Variants in ADGRL2 observed in about 807,000 individuals in gnomAD.
ADGRL2 encodes calcium-independent alpha-latrotoxin receptor 2.
A neutral mutation model predicts 157.4 loss-of-function variants in ADGRL2; 44 were observed. The observed-to-expected ratio is 0.28, with a 90% CI of 0.22 to 0.36. ADGRL2 has a LOEUF of 0.36. Among genes scored for constraint, ADGRL2 ranks in the 10% least tolerant of loss-of-function variants. ADGRL2 has a pLI of 1.00. For missense variants in ADGRL2, 1,510 were observed against 1,768.9 expected, an observed-to-expected ratio of 0.85 and a Z score of 2.63; for synonymous variants, 585 against 624.7, an observed-to-expected ratio of 0.94 and a Z score of 0.95.
intron 1 of ADGRL2, among the ~76,000 whole-genome samples, chr1:81,375,649 C>T (rs1412953511): frequency 6.6e-6 from 1 of 152,170 alleles, no homozygotes; most frequent in Admixed American, 6.5e-5. Context: ...AAGTGAAATA[C>T]TGCAAGAATA....
At chr1:81,436,679 A>G (rs562097446) in intron 1 of ADGRL2, among the ~76,000 whole-genome samples, 2 of 152,330 alleles carry the variant, frequency 1.3e-5, no homozygotes, top group Middle Eastern at 3.4e-3. Flanking sequence ...CCATCCTTCC[A>G]CTTCTAGTTC....
At chr1:81,942,145 A>T (rs1648252349) in intron 5 of ADGRL2, 100 bp downstream of exon 5, 1 of 518,694 alleles carries the variant, frequency 1.9e-6, no homozygotes, top group East Asian at 3.1e-5. Flanking sequence ...TATTAAAATA[A>T]TCAGCAGGAT....
intron 1 of ADGRL2, among the ~76,000 whole-genome samples, chr1:81,741,561 A>G (rs1002490506): frequency 6.6e-6 from 1 of 152,070 alleles, no homozygotes; most frequent in African/African-American, 2.4e-5. Context: ...TGTGAATTTT[A>G]CACAAATCTA....
chr1:81,419,946 A>T (rs1455704864), intron 1 of ADGRL2, among the ~76,000 whole-genome samples: 1 of 152,236 alleles, frequency 6.6e-6, no homozygotes. Context: ...AATTAGTCAA[A>T]GGATTAGATA....
At chr1:81,662,390 G>A (rs1175427949) in intron 3 of ADGRL2, among the ~76,000 whole-genome samples, 3 of 151,588 alleles carry the variant, frequency 2.0e-5, no homozygotes, top group Admixed American at 2.0e-4. Context: ...CTAGTAGCTG[G>A]GATTACAGGT....
At chr1:81,920,384 T>C (rs1379261926) in intron 3 of ADGRL2, among the ~76,000 whole-genome samples, 1 of 152,182 alleles carries the variant, frequency 6.6e-6, no homozygotes, top group African/African-American at 2.4e-5. Context: ...GGTGTTGTAG[T>C]GTGCCTCCCA....
At chr1:81,466,497 A>T (rs1035074790) in intron 2 of ADGRL2, among the ~76,000 whole-genome samples, 3 of 152,076 alleles carry the variant, frequency 2.0e-5, no homozygotes, top group African/African-American at 7.2e-5. Flanking sequence ...AAGAGATTTC[A>T]TCTCTATTGT....
intron 2 of ADGRL2, among the ~76,000 whole-genome samples, chr1:81,516,227 A>G (rs2079174639): frequency 6.6e-6 from 1 of 152,164 alleles, no homozygotes; most frequent in Non-Finnish European, 1.5e-5. Context: ...CATGCATTTT[A>G]CTTTTTTTAT....
chr1:81,424,149 C>A (rs1387446131), intron 1 of ADGRL2, among the ~76,000 whole-genome samples: 1 of 152,190 alleles, frequency 6.6e-6, no homozygotes, highest in East Asian at 1.9e-4. Context: ...AGTGACACAC[C>A]AACGTTTATG....
intron 1 of ADGRL2, among the ~76,000 whole-genome samples, chr1:81,389,173 A>G (rs1274264573): frequency 6.6e-6 from 1 of 152,192 alleles, no homozygotes; most frequent in Non-Finnish European, 1.5e-5. Flanking sequence ...TGTTTTCAGC[A>G]TGAAAATCTC....
rs528514872 is a variant in ADGRL2, at chr1:81,811,477, C to T, written c.-101+10409C>T. Among the ~76,000 whole-genome samples, 3 of 151,606 alleles carry T rather than the reference C, an allele frequency of 2.0e-5. No individual in the cohort carries two copies. The East Asian group carries it at 5.8e-4, about 30-fold the overall frequency. ...CTGCAGCAACACGTTTTTTATAACA[C>T]GTTGCCCCCGAGACTTAGAAACTGT... On this transcript the variant is annotated intron_variant, in intron 1 of 23. Coordinates refer to ENST00000686636, the MANE Select transcript of ADGRL2 (RefSeq NM_001366006.2).
chr1:81,814,975 A>T (rs1172962368), intron 1 of ADGRL2, among the ~76,000 whole-genome samples: 1 of 151,736 alleles, frequency 6.6e-6, no homozygotes, highest in East Asian at 1.9e-4. Flanking sequence ...ATCTAAGGAA[A>T]TCCCTAAAAT....
At chr1:81,502,104 C>A in intron 2 of ADGRL2, 1 of 1,596,392 alleles carries the variant, frequency 6.3e-7, no homozygotes. Flanking sequence ...GATGAAGTTG[C>A]AGAGGTGGCT....
chr1:81,510,579 A>T (rs1433719444), intron 2 of ADGRL2, among the ~76,000 whole-genome samples: 1 of 152,206 alleles, frequency 6.6e-6, no homozygotes, highest in African/African-American at 2.4e-5. Flanking sequence ...AATAGAGAAG[A>T]TATGCATTGG....
chr1:81,773,113 T>A (rs1325287856), intron 2 of ADGRL2, among the ~76,000 whole-genome samples: 1 of 152,218 alleles, frequency 6.6e-6, no homozygotes, highest in Non-Finnish European at 1.5e-5. Context: ...TATAATTTTT[T>A]AAACTGGAAT....
intron 2 of ADGRL2, among the ~76,000 whole-genome samples, chr1:81,894,359 A>G (rs1013827547): frequency 6.6e-6 from 1 of 152,088 alleles, no homozygotes; most frequent in East Asian, 1.9e-4. Context: ...TTATTCTTCT[A>G]TTTTGCAATT....
chr1:81,822,591 C>T (rs1032683887), intron 1 of ADGRL2, among the ~76,000 whole-genome samples: 14 of 152,036 alleles, frequency 9.2e-5, no homozygotes, highest in Non-Finnish European at 1.9e-4. Context: ...TAGCTCACTG[C>T]AGCCTCAGAC....
intron 2 of ADGRL2, among the ~76,000 whole-genome samples, chr1:81,872,024 G>C (rs1438923810): frequency 6.6e-6 from 1 of 152,092 alleles, no homozygotes; most frequent in Non-Finnish European, 1.5e-5. Flanking sequence ...TGTCCTGAAT[G>C]GTAATGCCTA....
At chr1:81,314,436 T>C (rs577103446) in intron 1 of ADGRL2, among the ~76,000 whole-genome samples, 31 of 152,210 alleles carry the variant, frequency 2.0e-4, no homozygotes, top group Non-Finnish European at 3.8e-4. Flanking sequence ...TAGGCCGCAT[T>C]TTAGTTTGTA....
Sources: gnomAD v4.1 joint callset for allele counts (sites outside exome capture counted in the v4.1 genomes callset) on GRCh38, gnomAD v4.1.1 for gene constraint, MANE v1.5 for transcripts, NCBI Gene and HGNC (gene_info 2026-07-23, HGNC 2026-07-21) for gene names.